Variants in PPFIBP2 observed in about 807,000 individuals in gnomAD.
PPFIBP2 encodes PPFIB scaffold protein 2.
A neutral mutation model predicts 118.3 loss-of-function variants in PPFIBP2; 118 were observed. That is an observed-to-expected ratio of 1.00 (90% CI 0.86 to 1.16). The LOEUF (loss-of-function observed/expected upper bound fraction) is 1.16, where lower values mean the gene tolerates loss of function less well. PPFIBP2 is among the 50% of genes most tolerant of loss of function. The probability of loss-of-function intolerance (pLI) is 0.00; values close to 1 mark genes in which losing one functional copy is unlikely to be tolerated. For synonymous variants in PPFIBP2, 414 were observed against 397.4 expected (o/e 1.04, Z -0.50); for missense variants, 1,195 against 1,073.1 (o/e 1.11, Z -1.59).
At chr11:7,648,091 G>T (rs142593100) in intron 17 of PPFIBP2, 9 of 288,498 alleles carry the variant, frequency 3.1e-5, no homozygotes, top group African/African-American at 1.7e-4. Flanking sequence ...GTGTGTATGC[G>T]GACCTAGGAC....
intron 1 of PPFIBP2, among the ~76,000 whole-genome samples, chr11:7,523,576 G>A (rs1849959322): frequency 6.6e-6 from 1 of 152,124 alleles, no homozygotes; most frequent in Non-Finnish European, 1.5e-5. Flanking sequence ...CCATGGTAAA[G>A]TGTCAGGGAC....
downstream of PPFIBP2, among the ~76,000 whole-genome samples, chr11:7,661,034 CTCTT>C (rs955871806): frequency 7.6e-4 from 115 of 151,986 alleles, no homozygotes; most frequent in African/African-American, 2.4e-3. Context: ...TGATTCTTCT[CTCTT>C]TTTTTCTTTA....
intron 2 of PPFIBP2, among the ~76,000 whole-genome samples, chr11:7,551,751 G>A (rs994642772): frequency 4.6e-5 from 7 of 152,234 alleles, no homozygotes; most frequent in Non-Finnish European, 1.0e-4. Flanking sequence ...GTAGCCTTGT[G>A]TGGGGTCAGT....
At chr11:7,633,603 CAG>C (rs1467100629) in intron 12 of PPFIBP2, among the ~76,000 whole-genome samples, 3 of 152,182 alleles carry the variant, frequency 2.0e-5, no homozygotes, top group Admixed American at 6.5e-5. Flanking sequence ...ACAAGCATCA[CAG>C]AAACTCCCCA....
intron 10 of PPFIBP2, among the ~76,000 whole-genome samples, chr11:7,630,069 G>A (rs1850552590): frequency 6.6e-6 from 1 of 152,216 alleles, no homozygotes; most frequent in Non-Finnish European, 1.5e-5. Context: ...GCAGCATCAG[G>A]GTTCTTATGG....
chr11:7,630,905 T>C lies in PPFIBP2; in HGVS notation c.965-20T>C. On this transcript the variant is annotated intron_variant, in intron 10 of 23. Coordinates refer to ENST00000299492, the MANE Select transcript of PPFIBP2 (RefSeq NM_003621.5). ...GAACATGAATTCAACAATTCAGTCT[T>C]ACTACCTTAATGCTTGCAGGGCCTT... 1 of 1,574,200 alleles carries C rather than the reference T, an allele frequency of 6.4e-7. No individual in the cohort carries two copies. Among genetic ancestry groups the C allele is most frequent in the Non-Finnish European group, 8.7e-7 (1 of 1,143,690 alleles).
intron 5 of PPFIBP2, among the ~76,000 whole-genome samples, chr11:7,610,030 C>A (rs1168551194): frequency 6.6e-6 from 1 of 152,208 alleles, no homozygotes; most frequent in Non-Finnish European, 1.5e-5. Flanking sequence ...GAATAATGGT[C>A]TCTATGGGCA....
At chr11:7,538,079 G>T (rs879621308) in intron 1 of PPFIBP2, among the ~76,000 whole-genome samples, 1 of 152,154 alleles carries the variant, frequency 6.6e-6, no homozygotes, top group Non-Finnish European at 1.5e-5. Flanking sequence ...AGCAAATACG[G>T]TGAAGGAAAC....
At position 7,634,688 on chromosome 11, in the gene PPFIBP2, T is replaced by C. The variant is rs1259740148; in HGVS notation, c.1194+136T>C. On this transcript the variant is annotated intron_variant, in intron 13 of 23. Coordinates refer to ENST00000299492, the MANE Select transcript of PPFIBP2 (RefSeq NM_003621.5). ...AGTTGTAGAGGAAGCAGGAATTACA[T>C]GAACATTTTGAGAAAATTAACTGGG... 1.1e-4 allele frequency: 76 copies of C among 696,492 alleles called. 1 individual carries two copies. In the South Asian group the frequency reaches 1.3e-3, roughly 12 times the overall value. The allele number at this position is 696,492 out of a possible 1,614,324, so 43.1% of individuals were successfully genotyped here.
rs775791159 is a variant in PPFIBP2 at position 7,649,178 on chromosome 11, C to T, written c.1941C>T (p.Tyr647=). 23 of 1,613,954 alleles carry T rather than the reference C, an allele frequency of 1.4e-5. No homozygotes were observed. The highest frequency in any genetic ancestry group is 1.5e-5 in the Non-Finnish European group (18 of 1,179,962). ...TTGATGATATTGGCTTACCCCAGTA[C>T]AAAGACCAGTTTCATGAATCTAGAG... is the stretch of plus-strand genomic sequence containing the variant. ...RWLDDIGLPQ[Y]KDQFHESRVD... The change falls in exon 20 of 24, where the codon TAC becomes TAT. Residue 647 remains tyrosine (Y), a synonymous_variant. Transcript: ENST00000299492.
the PPFIBP2 span, chr11:7,665,648 G>C: frequency 1.5e-6 from 2 of 1,313,104 alleles, no homozygotes; most frequent in Non-Finnish European, 2.1e-6. Flanking sequence ...GAGGTGACAA[G>C]CTGCTCTACA....
chr11:7,617,682 A>AT (rs138574687), intron 6 of PPFIBP2, among the ~76,000 whole-genome samples: 9,827 of 150,044 alleles, frequency 0.065, 815 homozygotes, highest in African/African-American at 0.2. Context: ...GTTTCACATG[A>AT]TTTTTTTTTT....
intron 10 of PPFIBP2, 94 bp from the exon 11 acceptor site, chr11:7,630,831 A>G (rs933385075): frequency 2.2e-6 from 2 of 892,210 alleles, no homozygotes; most frequent in Non-Finnish European, 3.7e-6. Flanking sequence ...AGTCCTTCTT[A>G]ATGAAGGAGA....
intron 2 of PPFIBP2, among the ~76,000 whole-genome samples, chr11:7,563,362 A>G (rs1306605621): frequency 2.0e-5 from 3 of 152,048 alleles, no homozygotes; most frequent in Non-Finnish European, 2.9e-5. Context: ...TCTTAATTGG[A>G]TTTGTAGGAG....
intron 3 of PPFIBP2, among the ~76,000 whole-genome samples, chr11:7,586,539 G>A (rs1247622495): frequency 2.0e-5 from 3 of 152,086 alleles, no homozygotes; most frequent in Non-Finnish European, 4.4e-5. Context: ...ACGTTTTCAG[G>A]TATGCTGACC....
intron 8 of PPFIBP2, among the ~76,000 whole-genome samples, chr11:7,627,032 C>G (rs1381117750): frequency 6.6e-6 from 1 of 152,228 alleles, no homozygotes; most frequent in African/African-American, 2.4e-5. Context: ...ACACCCTGGA[C>G]TATCTCTGAT....
At chr11:7,585,569 T>G (rs1858009328) in intron 3 of PPFIBP2, among the ~76,000 whole-genome samples, 2 of 151,976 alleles carry the variant, frequency 1.3e-5, no homozygotes, top group Non-Finnish European at 2.9e-5. Flanking sequence ...ATGTGAAGAG[T>G]GTGTTCTCCT....
chr11:7,562,929 T>TATATA (rs1854461778), intron 2 of PPFIBP2, among the ~76,000 whole-genome samples: 1 of 86,536 alleles, frequency 1.2e-5, no homozygotes, highest in Non-Finnish European at 2.5e-5. Context: ...AATTAAAGTT[T>TATATA]TATATATATA....
Position 7,565,742 on chromosome 11 carries a change from T to A in PPFIBP2, c.254T>A (p.Ile85Lys), listed in dbSNP as rs766899149. 3.1e-6 allele frequency: 5 copies of A among 1,613,988 alleles called. No individual in the cohort carries two copies. In the African/African-American group the frequency reaches 6.7e-5, roughly 22 times the overall value. Residue 85 changes from isoleucine (I) to lysine (K), a missense_variant, in exon 3 of 24, where the codon ATA (isoleucine) becomes AAA (lysine). Coordinates refer to ENST00000299492, the MANE Select transcript of PPFIBP2 (RefSeq NM_003621.5). Reference sequence around the variant, plus strand: ...ATCCCTGGCCCAACAGCTGCCTACATAAAGGAATGGTTTGAAGAGAGCTTG... The same window carrying A: ...ATCCCTGGCCCAACAGCTGCCTACAAAAAGGAATGGTTTGAAGAGAGCTTG... ...SQIPGPTAAY[I>K]KEWFEESLSQ...
Sources: allele counts gnomAD v4.1 joint callset (sites outside exome capture counted in the v4.1 genomes callset), GRCh38; gene constraint gnomAD v4.1.1; transcripts MANE v1.5; gene names NCBI Gene and HGNC (gene_info 2026-07-23, HGNC 2026-07-21).